Variants in GHR observed in about 807,000 individuals in gnomAD.
GHR encodes growth hormone receptor.
In GHR, 35 loss-of-function variants were observed where a neutral mutation model predicts 67.1. That is an observed-to-expected ratio of 0.52 (90% CI 0.40 to 0.69). The LOEUF (loss-of-function observed/expected upper bound fraction) is 0.69. GHR is among the 30% of genes least tolerant of loss of function. GHR has a pLI of 0.00. For synonymous variants in GHR, 272 were observed against 269.1 expected, an observed-to-expected ratio of 1.01 and a Z score of -0.10; for missense variants, 792 against 764.6, an observed-to-expected ratio of 1.04 and a Z score of -0.42.
chr5:42,586,326 A>G (rs551733334), intron 2 of GHR, among the ~76,000 whole-genome samples: 2 of 152,342 alleles, frequency 1.3e-5, no homozygotes, highest in South Asian at 2.1e-4. Context: ...GGGGGTGCCA[A>G]GCTTTTGGGT....
intron 3 of GHR, among the ~76,000 whole-genome samples, chr5:42,674,522 C>A (rs1026623512): frequency 6.6e-6 from 1 of 152,150 alleles, no homozygotes; most frequent in Non-Finnish European, 1.5e-5. Flanking sequence ...CCATTCACCT[C>A]ATTTCCTGGC....
At chr5:42,658,725 T>G (rs948878961) in intron 3 of GHR, among the ~76,000 whole-genome samples, 1 of 152,118 alleles carries the variant, frequency 6.6e-6, no homozygotes, top group Non-Finnish European at 1.5e-5. Flanking sequence ...GCTACTGGCA[T>G]CTAGTAGGTA....
intron 6 of GHR, among the ~76,000 whole-genome samples, chr5:42,700,945 C>T (rs180785455): frequency 1.8e-4 from 27 of 152,222 alleles, no homozygotes; most frequent in East Asian, 1.2e-3. Flanking sequence ...AAATAAAATG[C>T]CTGATTGGAT....
intron 1 of GHR, among the ~76,000 whole-genome samples, chr5:42,471,195 G>T (rs568192502): frequency 4.3e-4 from 65 of 152,104 alleles, no homozygotes; most frequent in African/African-American, 1.3e-3. Context: ...GCACTTTTTT[G>T]ATTTGCTCTT....
chr5:42,681,935 CAAAA>C (rs11443605), intron 3 of GHR, among the ~76,000 whole-genome samples: 2 of 79,534 alleles, frequency 2.5e-5, no homozygotes, highest in South Asian at 5.5e-4. Context: ...GACTCCGTCT[CAAAA>C]AAAAAAAAAA....
intron 1 of GHR, among the ~76,000 whole-genome samples, chr5:42,499,921 A>T (rs1324410893): frequency 6.6e-6 from 1 of 152,234 alleles, no homozygotes; most frequent in African/African-American, 2.4e-5. Context: ...GCACACAGGC[A>T]AGCATATGTC....
At chr5:42,607,826 G>A (rs1436620329) in intron 2 of GHR, among the ~76,000 whole-genome samples, 1 of 152,174 alleles carries the variant, frequency 6.6e-6, no homozygotes, top group Non-Finnish European at 1.5e-5. Context: ...ATGTTGGTTA[G>A]AACTTACTAC....
intron 3 of GHR, among the ~76,000 whole-genome samples, chr5:42,644,013 T>A (rs1315164450): frequency 6.6e-6 from 1 of 152,128 alleles, no homozygotes; most frequent in Non-Finnish European, 1.5e-5. Flanking sequence ...AAAGTAGGCA[T>A]ATTCTAGTTA....
rs78369323 is a variant in GHR, at chr5:42,505,575, A to G, written c.-11-60289A>G. 9.9e-4 allele frequency among the ~76,000 whole-genome samples: 151 copies of G among 152,320 alleles called. 2 individuals are homozygous for G. The highest frequency in any genetic ancestry group is 1.9e-3 in the Non-Finnish European group (131 of 68,032). On this transcript the variant is annotated intron_variant, in intron 1 of 9. Transcript: ENST00000230882. ...AGTACAAATCCAGGAAGGAGACATT[A>G]GCTCAGTGGAAAGAGTCCACTGAGG...
chr5:42,639,120 AG>A (rs1754345596), intron 3 of GHR, among the ~76,000 whole-genome samples: 1 of 152,212 alleles, frequency 6.6e-6, no homozygotes, highest in Non-Finnish European at 1.5e-5. Context: ...ATGGATGGAA[AG>A]GGCAATTATT....
At chr5:42,596,448 G>A (rs866301789) in intron 2 of GHR, among the ~76,000 whole-genome samples, 4 of 152,166 alleles carry the variant, frequency 2.6e-5, no homozygotes, top group South Asian at 2.1e-4. Context: ...TGAAAACAGC[G>A]GCAGAAGCAA....
intron 2 of GHR, among the ~76,000 whole-genome samples, chr5:42,625,700 G>A (rs1753667325): frequency 6.6e-6 from 1 of 151,786 alleles, no homozygotes; most frequent in African/African-American, 2.4e-5. Context: ...TTGACAATTA[G>A]TTGAGTTTGT....
At chr5:42,505,369 AT>A (rs1420247731) in intron 1 of GHR, among the ~76,000 whole-genome samples, 20 of 151,282 alleles carry the variant, frequency 1.3e-4, no homozygotes, top group Admixed American at 2.6e-4. Flanking sequence ...TTTACAAGTA[AT>A]TTTTTTTAAA....
chr5:42,715,747 ATTTTCAC>A (rs1346220597), intron 8 of GHR, among the ~76,000 whole-genome samples: 4 of 152,186 alleles, frequency 2.6e-5, no homozygotes, highest in African/African-American at 9.7e-5. Context: ...AAAATAGAGA[ATTTTCAC>A]ACAAAAATCC....
chr5:42,588,617 A>G (rs550203125), intron 2 of GHR, among the ~76,000 whole-genome samples: 5 of 150,114 alleles, frequency 3.3e-5, no homozygotes, highest in African/African-American at 1.2e-4. Flanking sequence ...TCCAAAGTAA[A>G]TTGTATTTTG....
At chr5:42,457,612 C>A (rs777793483) in intron 1 of GHR, among the ~76,000 whole-genome samples, 2 of 152,088 alleles carry the variant, frequency 1.3e-5, no homozygotes, top group African/African-American at 2.4e-5. Flanking sequence ...TATAACCAGA[C>A]CTTGTTAACT....
intron 1 of GHR, among the ~76,000 whole-genome samples, chr5:42,543,799 G>A (rs1748617690): frequency 6.6e-6 from 1 of 152,040 alleles, no homozygotes; most frequent in South Asian, 2.1e-4. Flanking sequence ...ATTATTTGCA[G>A]TTGAATTAAA....
intron 3 of GHR, among the ~76,000 whole-genome samples, chr5:42,664,573 C>A (rs558174646): frequency 6.6e-6 from 1 of 152,182 alleles, no homozygotes; most frequent in African/African-American, 2.4e-5. Context: ...CCCTTCCTTA[C>A]ACCTTATACA....
At chr5:42,592,864 T>C (rs967777860) in intron 2 of GHR, among the ~76,000 whole-genome samples, 1 of 152,240 alleles carries the variant, frequency 6.6e-6, no homozygotes, top group African/African-American at 2.4e-5. Context: ...CTACAAGCAA[T>C]ATAAATATTC....
Sources: gnomAD v4.1 joint callset for allele counts (sites outside exome capture counted in the v4.1 genomes callset) on GRCh38, gnomAD v4.1.1 for gene constraint, MANE v1.5 for transcripts, NCBI Gene and HGNC (gene_info 2026-07-23, HGNC 2026-07-21) for gene names.